ADAT1: variants seen among roughly 807,000 people sequenced by gnomAD.
ADAT1 encodes the protein adenosine deaminase tRNA specific 1.
In ADAT1, 58 loss-of-function variants were observed where a neutral mutation model predicts 58.6. The ratio of observed to expected loss-of-function variants is 0.99; its 90% CI spans 0.80 to 1.23. The LOEUF is 1.23. Among genes scored for constraint, ADAT1 ranks in the 50% most tolerant of loss-of-function variants. The pLI, the probability that ADAT1 is intolerant of heterozygous loss-of-function variation, is 0.00. For synonymous variants in ADAT1, 254 were observed against 220.8 expected, an observed-to-expected ratio of 1.15 and a Z score of -1.33; for missense variants, 741 against 608.6, an observed-to-expected ratio of 1.22 and a Z score of -2.29.
rs145882315 is a variant in ADAT1 at position 75,620,607 on chromosome 16, C to G, written c.169+24G>C. ...TTTTACCATCTCTCACAGTGAGGAGCATGCCAAGAAGAAAAAGTCTCACCT... is the reference window on the plus strand; with the variant it reads ...TTTTACCATCTCTCACAGTGAGGAGGATGCCAAGAAGAAAAAGTCTCACCT... On this transcript the variant is annotated intron_variant, in intron 2 of 9. Transcript: ENST00000564657. The G allele has an allele frequency of 5.5e-3, 8,895 of 1,610,216 alleles. 68 individuals carry two copies. The highest frequency in any genetic ancestry group is 0.027 in the South Asian group (2,428 of 90,694).
At chr16:75,618,823 A>T (rs2081834873) in intron 3 of ADAT1, 183 bp from the exon 4 acceptor site, 1 of 615,742 alleles carries the variant, frequency 1.6e-6, no homozygotes, top group African/African-American at 1.9e-5. Context: ...TCAACCCAGC[A>T]CTGTAGACAT....
chr16:75,603,233 C>T (rs1482188646), intron 8 of ADAT1, 62 bp from the exon 9 acceptor site: 1 of 1,415,878 alleles, frequency 7.1e-7, no homozygotes, highest in African/African-American at 1.4e-5. Context: ...AAGCCCCTAT[C>T]AAAGATGCCA....
In ADAT1 at chr16:75,608,285, C is replaced by A. The variant is rs2081423965; in HGVS notation, c.1228G>T (p.Val410Phe). Residue 410 changes from valine to phenylalanine, a missense_variant, in exon 8 of 10, where the codon GTT (valine) becomes TTT (phenylalanine). Physicochemically the swap from Val to Phe is conservative, Grantham distance 50 (BLOSUM62 -1). Coordinates refer to ENST00000564657, the MANE Select transcript of ADAT1 (RefSeq NM_001324445.2). ...CCCTGTGGAAAGCCATTGGCAGTAA[C>A]ATCCAAAGGCTGCTCAGGAACTGCA... ...WSAVPEQPLD[V>F]TANGFPQGTT... 1 of 1,614,098 alleles carries A rather than the reference C, an allele frequency of 6.2e-7. No homozygotes were observed. Among genetic ancestry groups the A allele is most frequent in the Non-Finnish European group, 8.5e-7 (1 of 1,179,982 alleles).
chr16:75,609,502 T>A (rs75545312), intron 6 of ADAT1, among the ~76,000 whole-genome samples: 6,066 of 151,098 alleles, frequency 0.04, 141 homozygotes, highest in South Asian at 0.054. Flanking sequence ...TTGGCTTTTT[T>A]AAAAAAAAAC....
At chr16:75,617,397 T>C (rs2081768762) in intron 4 of ADAT1, 125 bp from the exon 5 acceptor site, 3 of 1,061,070 alleles carry the variant, frequency 2.8e-6, no homozygotes, top group Non-Finnish European at 4.1e-6. Flanking sequence ...TGGGGAATTA[T>C]GAGAATGCTC....
intron 6 of ADAT1, among the ~76,000 whole-genome samples, chr16:75,609,406 A>G (rs903688303): frequency 2.6e-5 from 4 of 152,186 alleles, no homozygotes; most frequent in Admixed American, 2.6e-4. Context: ...AGATGCCAAC[A>G]TGATGCTGGT....
chr16:75,607,055 G>T (rs1007276952), intron 8 of ADAT1, among the ~76,000 whole-genome samples: 3 of 150,640 alleles, frequency 2.0e-5, no homozygotes, highest in African/African-American at 7.3e-5. Context: ...GTGAAACCCC[G>T]TCTCTACTAA....
In ADAT1 at chr16:75,622,501, A is replaced by C. The variant is rs771720266; in HGVS notation, c.-120T>G. ...CCAGAGGTGCAATTCACAAACCTCG[A>C]TAGGCAAGGCAGGTAGAAGTTGCCA... On this transcript the variant is annotated 5_prime_UTR_variant, in exon 1 of 10. Transcript: ENST00000564657. 2.6e-5 allele frequency: 4 copies of C among 152,234 alleles called. No individual in the cohort carries two copies. Among genetic ancestry groups the C allele is most frequent in the Admixed American group, 6.5e-5 (1 of 15,276 alleles). 9.4% of individuals were successfully genotyped at this position (152,234 alleles called of 1,614,324 possible). A position where few individuals can be genotyped will look rare whatever the true frequency, so the allele number is the denominator to read the frequency against.
At chr16:75,616,373 T>G (rs2081725618) in intron 5 of ADAT1, among the ~76,000 whole-genome samples, 1 of 152,226 alleles carries the variant, frequency 6.6e-6, no homozygotes, top group Non-Finnish European at 1.5e-5. Flanking sequence ...ACAGCTATTC[T>G]ATTTCTTCAT....
intron 8 of ADAT1, among the ~76,000 whole-genome samples, chr16:75,605,854 T>C (rs2151750607): frequency 6.6e-6 from 1 of 150,970 alleles, no homozygotes; most frequent in East Asian, 2.0e-4. Context: ...GGAGAACTGC[T>C]TGAACCTGGG....
intron 5 of ADAT1, among the ~76,000 whole-genome samples, chr16:75,615,480 T>TAAAAAAAAAAAAAAA (rs56149357): frequency 3.0e-5 from 1 of 32,946 alleles, no homozygotes; most frequent in Non-Finnish European, 1.2e-4. Context: ...GTTGATGAGC[T>TAAAAAAAAAAAAAAA]AAAAAAAAAA....
chr16:75,618,510 A>G lies in ADAT1; in HGVS notation c.293+76T>C, dbSNP rs7191044. ...AACAGAGCAAGACTCTGTCCCCCCC[A>G]AAAAAAAAAAAAAAAGTAAATTCCG... On this transcript the variant is annotated intron_variant, in intron 4 of 9. Transcript: ENST00000564657. The G allele has an allele frequency of 1.4e-5, 4 of 284,596 alleles. No individual in the cohort carries two copies. The South Asian group carries it at 2.5e-4, about 18-fold the overall frequency. 17.6% of individuals were successfully genotyped at this position (284,596 alleles called of 1,614,324 possible). A position where few individuals can be genotyped will look rare whatever the true frequency, so the allele number is the denominator to read the frequency against.
intron 8 of ADAT1, among the ~76,000 whole-genome samples, chr16:75,606,923 A>C (rs1018183144): frequency 6.6e-6 from 1 of 152,188 alleles, no homozygotes; most frequent in Non-Finnish European, 1.5e-5. Flanking sequence ...CAATAAGTGA[A>C]CACTCAAAAA....
At chr16:75,617,509 C>A (rs1023739753) in intron 4 of ADAT1, among the ~76,000 whole-genome samples, 3 of 152,106 alleles carry the variant, frequency 2.0e-5, no homozygotes, top group Admixed American at 1.3e-4. Context: ...TGGCTCATAT[C>A]TGTAACCCCA....
Position 75,617,167 on chromosome 16 carries a change from A to C in ADAT1, c.399T>G (p.Phe133Leu). The change falls in exon 5 of 10, where the codon TTT (phenylalanine) becomes TTG (leucine). Residue 133 changes from phenylalanine (F) to leucine (L), a missense_variant. Phe to Leu is a conservative substitution (Grantham distance 22, BLOSUM62 0). Coordinates refer to ENST00000564657, the MANE Select transcript of ADAT1 (RefSeq NM_001324445.2). ...AGGGTGTATGGCTGGAGAAAAACAC[A>C]AAAATGAGGTCTCGTCTAAGTTTCC... is the stretch of plus-strand genomic sequence containing the variant. ...GVWKLRRDLI[F>L]VFFSSHTPCG... 9 of 1,613,798 alleles carry C rather than the reference A, an allele frequency of 5.6e-6. No homozygotes were observed. The highest frequency in any genetic ancestry group is 6.8e-6 in the Non-Finnish European group (8 of 1,179,678).
chr16:75,602,161 G>T (rs1341148215), intron 9 of ADAT1, among the ~76,000 whole-genome samples: 1 of 152,132 alleles, frequency 6.6e-6, no homozygotes, highest in Admixed American at 6.6e-5. Context: ...TCTTGGGAGA[G>T]GAGGAGGTTG....
Position 75,612,237 on chromosome 16 carries a change from T to A in ADAT1, c.1043+6A>T. On this transcript the variant is annotated splice_donor_region_variant and intron_variant, in intron 6 of 9. Transcript: ENST00000564657. ...TGTTCCAATTGAGCCCTCCCTACCC[T>A]CTCACCTTCCAATCAGTGCTCTCTG... is the stretch of plus-strand genomic sequence containing the variant. 6.2e-7 allele frequency: 1 copy of A among 1,612,422 alleles called. No homozygotes were observed. Among genetic ancestry groups the A allele is most frequent in the Non-Finnish European group, 8.5e-7 (1 of 1,178,798 alleles).
rs1486043304 is a variant in ADAT1, at chr16:75,597,947, A to G, written c.*2269T>C. ...CCTGCTGTGTGACCTTGTTCCTGACAGGCCACAGACAAGTAATGGTCTGTG... is the reference window on the plus strand; with the variant it reads ...CCTGCTGTGTGACCTTGTTCCTGACGGGCCACAGACAAGTAATGGTCTGTG... On this transcript the variant is annotated 3_prime_UTR_variant, in exon 10 of 10. Transcript: ENST00000564657. Among the ~76,000 whole-genome samples, 2 of 152,234 alleles carry G rather than the reference A, an allele frequency of 1.3e-5. No homozygotes were observed. Among genetic ancestry groups the G allele is most frequent in the Non-Finnish European group, 2.9e-5 (2 of 68,040 alleles).
At chr16:75,606,411 G>T (rs529169916) in intron 8 of ADAT1, among the ~76,000 whole-genome samples, 1 of 152,278 alleles carries the variant, frequency 6.6e-6, no homozygotes, top group Admixed American at 6.5e-5. Flanking sequence ...ATTACAGATA[G>T]GCTCTGGCTT....
Sources: allele counts gnomAD v4.1 joint callset (sites outside exome capture counted in the v4.1 genomes callset), GRCh38; gene constraint gnomAD v4.1.1; transcripts MANE v1.5; gene names NCBI Gene and HGNC (gene_info 2026-07-23, HGNC 2026-07-21).